The following SORCS1 variants were observed in gnomAD, a reference collection of about 807,000 sequenced individuals.
SORCS1 encodes the protein VPS10 domain-containing receptor SorCS1.
In SORCS1, 60 loss-of-function variants were observed where a neutral mutation model predicts 146.1. That is an observed-to-expected ratio of 0.41 (90% CI 0.33 to 0.51). The LOEUF (loss-of-function observed/expected upper bound fraction) is 0.51. Ranked by LOEUF, SORCS1 falls within the 20% of genes least tolerant of loss-of-function variation. SORCS1 has a pLI of 0.21. For missense variants in SORCS1, 1,352 were observed against 1,487.6 expected (o/e 0.91, Z 1.50); for synonymous variants, 637 against 584.0 (o/e 1.09, Z -1.31).
chr10:107,102,180 T>G (rs1046341851), intron 1 of SORCS1, among the ~76,000 whole-genome samples: 2 of 152,220 alleles, frequency 1.3e-5, no homozygotes, highest in African/African-American at 4.8e-5. Flanking sequence ...TTAATAATAG[T>G]CATTGCATTT....
At chr10:106,758,522 A>T (rs1331334484) in intron 5 of SORCS1, among the ~76,000 whole-genome samples, 3 of 152,102 alleles carry the variant, frequency 2.0e-5, no homozygotes, top group Non-Finnish European at 4.4e-5. Context: ...CAAAGCAGCA[A>T]CTCCATTTCC....
intron 2 of SORCS1, among the ~76,000 whole-genome samples, chr10:106,881,981 A>G (rs1052232097): frequency 2.0e-5 from 3 of 152,192 alleles, no homozygotes; most frequent in Admixed American, 1.3e-4. Flanking sequence ...AATCTAAGTT[A>G]CTACCTCTTT....
intron 2 of SORCS1, among the ~76,000 whole-genome samples, chr10:106,910,253 T>G (rs185689955): frequency 1.6e-3 from 238 of 151,842 alleles, no homozygotes; most frequent in African/African-American, 5.6e-3. Context: ...GATAATCTAC[T>G]TAACAATTCT....
At chr10:106,875,199 T>C (rs979400142) in intron 2 of SORCS1, among the ~76,000 whole-genome samples, 25 of 152,200 alleles carry the variant, frequency 1.6e-4, no homozygotes, top group African/African-American at 5.8e-4. Flanking sequence ...CACTTCTAAG[T>C]GAGAACAAAC....
intron 1 of SORCS1, among the ~76,000 whole-genome samples, chr10:107,146,314 ACAACCAG>A (rs71980551): frequency 0.12 from 17,989 of 152,110 alleles, 1,546 homozygotes; most frequent in East Asian, 0.33. Flanking sequence ...TTAAACCATG[ACAACCAG>A]CACTCCACCT....
chr10:106,906,092 G>A (rs962923688), intron 2 of SORCS1, among the ~76,000 whole-genome samples: 1 of 152,054 alleles, frequency 6.6e-6, no homozygotes, highest in African/African-American at 2.4e-5. Context: ...ACCCAAGACT[G>A]GGAAGAAAAA....
At chr10:106,883,654 C>T (rs964673574) in intron 2 of SORCS1, among the ~76,000 whole-genome samples, 1 of 152,138 alleles carries the variant, frequency 6.6e-6, no homozygotes, top group African/African-American at 2.4e-5. Context: ...ACCTCGTGAT[C>T]CACCCGCCTC....
chr10:107,095,700 C>G lies in SORCS1; in HGVS notation c.558+68269G>C, dbSNP rs143347829. Among the ~76,000 whole-genome samples the G allele has an allele frequency of 9.3e-3, 1,408 of 152,040 alleles. 18 individuals are homozygous for G. Among genetic ancestry groups the G allele is most frequent in the Non-Finnish European group, 0.01 (700 of 67,980 alleles). ...TTTAAATCCACTCTATATGTAAGGG[C>G]CAGTGATTTATCAGTGCTGAATTTT... On this transcript the variant is annotated intron_variant, in intron 1 of 25. Transcript: ENST00000263054.
intron 5 of SORCS1, among the ~76,000 whole-genome samples, chr10:106,759,368 T>G (rs1448839475): frequency 2.0e-5 from 3 of 152,236 alleles, no homozygotes; most frequent in Non-Finnish European, 4.4e-5. Context: ...AACTCTTGTC[T>G]GAGCCAATTC....
At chr10:107,081,216 G>A (rs1244167726) in intron 1 of SORCS1, among the ~76,000 whole-genome samples, 2 of 152,064 alleles carry the variant, frequency 1.3e-5, no homozygotes, top group Non-Finnish European at 2.9e-5. Flanking sequence ...CAACTCAATG[G>A]ATAATGGTAA....
At chr10:106,950,431 C>T (rs1336119897) in intron 2 of SORCS1, among the ~76,000 whole-genome samples, 2 of 152,300 alleles carry the variant, frequency 1.3e-5, no homozygotes, top group South Asian at 4.1e-4. Flanking sequence ...GCTGCTAAAA[C>T]TTGTAAAGAA....
intron 24 of SORCS1, among the ~76,000 whole-genome samples, chr10:106,580,916 C>A (rs1297580711): frequency 6.6e-6 from 1 of 152,088 alleles, no homozygotes; most frequent in Non-Finnish European, 1.5e-5. Flanking sequence ...ATAAGGAACC[C>A]CCCCGCTATT....
rs1466620730 is a variant in SORCS1 at position 106,960,889 on chromosome 10, CG to C, written c.559-4310del. On this transcript the variant is annotated intron_variant, in intron 1 of 25. Coordinates refer to ENST00000263054, the MANE Select transcript of SORCS1 (RefSeq NM_052918.5). This position sits in a 1 kb window ranked among gnomAD's most constrained non-coding sequence, Gnocchi z 4.4. The stretch of plus-strand genomic sequence containing the variant: ...AGCACTGAGCCACATTTTCATAACC[CG>C]GGCTCCCAAACTATTAGTGACCCTT... Among the ~76,000 whole-genome samples, 6 of 152,134 alleles carry C rather than the reference CG, an allele frequency of 3.9e-5. No homozygotes were observed. In the East Asian group the frequency reaches 1.2e-3, roughly 29 times the overall value.
chr10:106,773,470 A>C (rs1405099219), intron 4 of SORCS1, among the ~76,000 whole-genome samples: 1 of 151,598 alleles, frequency 6.6e-6, no homozygotes, highest in Non-Finnish European at 1.5e-5. Context: ...CGAATGCCCC[A>C]CTCCCTATTC....
At chr10:106,986,284 T>C (rs1007715390) in intron 1 of SORCS1, among the ~76,000 whole-genome samples, 1 of 151,988 alleles carries the variant, frequency 6.6e-6, no homozygotes, top group Non-Finnish European at 1.5e-5. Context: ...CAAATATATA[T>C]ACAAACACAC....
chr10:107,084,523 A>G (rs779150918), intron 1 of SORCS1, among the ~76,000 whole-genome samples: 1 of 152,178 alleles, frequency 6.6e-6, no homozygotes, highest in Non-Finnish European at 1.5e-5. Flanking sequence ...ATGTATGGGA[A>G]GAGAAAAGAG....
At chr10:107,052,032 C>G in intron 1 of SORCS1, among the ~76,000 whole-genome samples, 1 of 152,188 alleles carries the variant, frequency 6.6e-6, no homozygotes, top group East Asian at 1.9e-4. Context: ...TAGCCTCAGC[C>G]TAGGCTTGGA....
At chr10:106,703,489 A>T (rs535626638) in intron 8 of SORCS1, among the ~76,000 whole-genome samples, 2 of 152,332 alleles carry the variant, frequency 1.3e-5, no homozygotes, top group Admixed American at 1.3e-4. Flanking sequence ...AGGAAAACTC[A>T]TTACTTTCCC....
chr10:106,589,697 G>GAAAAAAAA (rs1157873689), intron 24 of SORCS1, among the ~76,000 whole-genome samples: 2 of 55,774 alleles, frequency 3.6e-5, no homozygotes, highest in African/African-American at 1.3e-4. Flanking sequence ...CTTTGACGAC[G>GAAAAAAAA]AAAAAAAAAA....
Sources: allele counts gnomAD v4.1 joint callset (sites outside exome capture counted in the v4.1 genomes callset), GRCh38; gene constraint gnomAD v4.1.1; non-coding constraint Gnocchi (gnomAD v3.1); transcripts MANE v1.5; gene names NCBI Gene and HGNC (gene_info 2026-07-23, HGNC 2026-07-21).